The following SANBR variants were observed in gnomAD, a reference collection of about 807,000 sequenced individuals.
SANBR encodes SANT and BTB domain regulator of CSR, also known as SANT and BTB domain regulator of class switch recombination.
A neutral mutation model predicts 101.8 loss-of-function variants in SANBR; 77 were observed. The ratio of observed to expected loss-of-function variants is 0.76; its 90% CI spans 0.63 to 0.91. SANBR has a LOEUF of 0.91. SANBR is among the 40% of genes least tolerant of loss of function. The pLI is 0.00. For missense variants in SANBR, 875 were observed against 853.0 expected, an observed-to-expected ratio of 1.03 and a Z score of -0.32; for synonymous variants, 279 against 274.7, an observed-to-expected ratio of 1.02 and a Z score of -0.15.
At chr2:61,074,069 A>G (rs193111052) in intron 5 of SANBR, among the ~76,000 whole-genome samples, 3 of 152,326 alleles carry the variant, frequency 2.0e-5, no homozygotes, top group East Asian at 3.9e-4. Context: ...TGGATGTACC[A>G]TATAACCATC....
At chr2:61,107,312 T>C (rs1236637999) in intron 14 of SANBR, among the ~76,000 whole-genome samples, 2 of 152,164 alleles carry the variant, frequency 1.3e-5, no homozygotes, top group Non-Finnish European at 2.9e-5. Flanking sequence ...AAATTATCCT[T>C]TTATTGTAAT....
chr2:61,108,712 C>G (rs1683686414), intron 15 of SANBR, among the ~76,000 whole-genome samples: 2 of 151,170 alleles, frequency 1.3e-5, no homozygotes, highest in African/African-American at 4.9e-5. Context: ...TGTCTGCCAT[C>G]AATATTCACA....
intron 21 of SANBR, among the ~76,000 whole-genome samples, chr2:61,137,001 A>G (rs960460820): frequency 2.0e-5 from 3 of 151,694 alleles, no homozygotes; most frequent in Admixed American, 6.6e-5. Flanking sequence ...CGATAATAAT[A>G]ATAATAATAA....
At chr2:61,126,726 C>T (rs112160922), downstream of SANBR, among the ~76,000 whole-genome samples, 2 of 148,068 alleles carry the variant, frequency 1.4e-5, no homozygotes, top group African/African-American at 5.0e-5. Flanking sequence ...CACTTGAACC[C>T]GGAAGGTGGA....
At chr2:61,088,902 A>G in intron 10 of SANBR, 1 of 913,404 alleles carries the variant, frequency 1.1e-6, no homozygotes, top group Non-Finnish European at 1.3e-6. Flanking sequence ...TCTTTTCTGC[A>G]TGTTATCCAA....
chr2:61,134,885 T>C (rs1477326260), intron 21 of SANBR, among the ~76,000 whole-genome samples: 4 of 151,674 alleles, frequency 2.6e-5, no homozygotes, highest in Non-Finnish European at 5.9e-5. Flanking sequence ...AGAGCGAGAC[T>C]CAAAAATAAA....
At chr2:61,121,652 TTAA>T (rs1684335696) in intron 21 of SANBR, 1 of 170,806 alleles carries the variant, frequency 5.9e-6, no homozygotes, top group South Asian at 1.6e-4. Context: ...TTTATTTCTC[TTAA>T]TAAAATCTAA....
chr2:61,083,756 C>G (rs1190826866), intron 8 of SANBR, among the ~76,000 whole-genome samples: 5 of 151,420 alleles, frequency 3.3e-5, no homozygotes, highest in Non-Finnish European at 7.4e-5. Context: ...GTAGTCCCAG[C>G]TGCTTGGGTG....
At chr2:61,120,807 A>G (rs1218337012) in intron 20 of SANBR, among the ~76,000 whole-genome samples, 4 of 152,240 alleles carry the variant, frequency 2.6e-5, no homozygotes, top group Non-Finnish European at 4.4e-5. Flanking sequence ...TCAAGTGGCT[A>G]CATGTTATAT....
intron 11 of SANBR, among the ~76,000 whole-genome samples, chr2:61,092,821 T>G (rs1682836709): frequency 1.3e-5 from 2 of 150,950 alleles, no homozygotes; most frequent in Admixed American, 6.6e-5. Flanking sequence ...GGTGACATAG[T>G]GAGACTCCAT....
At chr2:61,069,170 G>A (rs181254775) in intron 2 of SANBR, among the ~76,000 whole-genome samples, 185 bp downstream of exon 2, 65 of 152,250 alleles carry the variant, frequency 4.3e-4, no homozygotes, top group Non-Finnish European at 7.5e-4. Context: ...TTTATTGAGA[G>A]CGTACCACAT....
At chr2:61,104,237 C>G (rs1683431376) in intron 13 of SANBR, among the ~76,000 whole-genome samples, 1 of 152,130 alleles carries the variant, frequency 6.6e-6, no homozygotes, top group African/African-American at 2.4e-5. Flanking sequence ...AATCCCAGCA[C>G]TTTCGGAGGC....
intron 20 of SANBR, among the ~76,000 whole-genome samples, chr2:61,133,374 G>T (rs947592162): frequency 6.6e-6 from 1 of 152,284 alleles, no homozygotes; most frequent in Admixed American, 6.5e-5. Flanking sequence ...CTTGATGAAG[G>T]TGATGGTTGC....
intron 2 of SANBR, chr2:61,069,692 G>C (rs1349579286): frequency 6.6e-6 from 1 of 152,262 alleles, no homozygotes; most frequent in Non-Finnish European, 1.5e-5. Context: ...GTAAATGTTT[G>C]AATAAAGTAA....
intron 16 of SANBR, among the ~76,000 whole-genome samples, chr2:61,110,186 A>C (rs1229838299): frequency 6.6e-6 from 1 of 152,086 alleles, no homozygotes; most frequent in African/African-American, 2.4e-5. Context: ...AAGGTTTTTG[A>C]GATTCATTCA....
intron 21 of SANBR, among the ~76,000 whole-genome samples, chr2:61,137,272 G>T (rs114017415): frequency 0.013 from 2,019 of 151,994 alleles, 21 homozygotes; most frequent in Non-Finnish European, 0.021. Flanking sequence ...GCAACAGAAC[G>T]AGACCCTGTC....
chr2:61,070,660 C>CATAAATTTTATATATTATATATAGTAT (rs573052968), intron 3 of SANBR, among the ~76,000 whole-genome samples, 160 bp downstream of exon 3: 109 of 147,122 alleles, frequency 7.4e-4, no homozygotes, highest in African/African-American at 1.2e-3. Context: ...ATGCAAATTA[C>CATAAATTTTATATATTATATATAGTAT]ATAAATTTTA....
rs141552457 is a variant in SANBR, at chr2:61,077,045, G to T, written c.557G>T (p.Arg186Leu). ...FAEYLSMDAQ[R>L]WEEVDISVHC... ...GAATATTTATCTATGGATGCCCAGC[G>T]CTGGGAAGAGGTGGACATTTCAGTT... is the stretch of plus-strand genomic sequence containing the variant. Residue 186 changes from arginine (R) to leucine (L), a missense_variant, in exon 6 of 22, where the codon CGC becomes CTC. Physicochemically the swap from Arg to Leu is moderately radical, Grantham distance 102. Transcript: ENST00000402291. 1.2e-6 allele frequency: 2 copies of T among 1,613,902 alleles called. No homozygotes were observed. The highest frequency in any genetic ancestry group is 1.7e-6 in the Non-Finnish European group (2 of 1,179,798).
At chr2:61,075,490 C>T (rs2104854699) in intron 5 of SANBR, among the ~76,000 whole-genome samples, 1 of 152,282 alleles carries the variant, frequency 6.6e-6, no homozygotes, top group East Asian at 1.9e-4. Flanking sequence ...AACTCCTGGG[C>T]TCAAGCAATC....
Sources: allele counts gnomAD v4.1 joint callset (sites outside exome capture counted in the v4.1 genomes callset), GRCh38; gene constraint gnomAD v4.1.1; transcripts MANE v1.5; gene names NCBI Gene and HGNC (gene_info 2026-07-23, HGNC 2026-07-21).